Variants in TMEFF2 observed in about 807,000 individuals in gnomAD.
The protein encoded by TMEFF2 is transmembrane protein with EGF like and two follistatin like domains 2.
TMEFF2 carries 28 observed loss-of-function variants against 53.8 expected under a neutral mutation model. That is an observed-to-expected ratio of 0.52 (90% CI 0.39 to 0.71). TMEFF2 has a LOEUF of 0.71. Ranked by LOEUF, TMEFF2 falls within the 30% of genes least tolerant of loss-of-function variation. The probability of loss-of-function intolerance (pLI) is 0.00; values close to 1 mark genes in which losing one functional copy is unlikely to be tolerated. For missense variants in TMEFF2, 353 were observed against 455.2 expected (o/e 0.78, Z 2.04); for synonymous variants, 162 against 166.3 (o/e 0.97, Z 0.20).
At chr2:192,049,377 C>T (rs1687707648) in intron 5 of TMEFF2, among the ~76,000 whole-genome samples, 1 of 152,118 alleles carries the variant, frequency 6.6e-6, no homozygotes, top group Admixed American at 6.5e-5. Context: ...ATTCATAAGA[C>T]TGTGGTGAGG....
chr2:192,186,273 A>T (rs1278409916), intron 2 of TMEFF2, among the ~76,000 whole-genome samples: 1 of 152,182 alleles, frequency 6.6e-6, no homozygotes, highest in East Asian at 1.9e-4. Flanking sequence ...TTACATCTGA[A>T]AACTGACTCA....
intron 4 of TMEFF2, among the ~76,000 whole-genome samples, chr2:192,137,608 T>A (rs1690040678): frequency 6.6e-6 from 1 of 151,970 alleles, no homozygotes; most frequent in Non-Finnish European, 1.5e-5. Flanking sequence ...GTGGTTGGTA[T>A]CATCTGGCAA....
chr2:192,193,244 G>C lies in TMEFF2; in HGVS notation c.172+1109C>G, dbSNP rs115338050. ...AAGATGAAAAATTACATACACACTTGCTAAAACTAGAACAGACCACACCTA... is the reference window on the plus strand; with the variant it reads ...AAGATGAAAAATTACATACACACTTCCTAAAACTAGAACAGACCACACCTA... On this transcript the variant is annotated intron_variant, in intron 1 of 9. Coordinates refer to ENST00000272771, the MANE Select transcript of TMEFF2 (RefSeq NM_016192.4). Among the ~76,000 whole-genome samples, 145 of 152,232 alleles carry C rather than the reference G, an allele frequency of 9.5e-4. 1 individual carries two copies. Among genetic ancestry groups the C allele is most frequent in the African/African-American group, 3.3e-3 (139 of 41,538 alleles).
chr2:192,143,822 A>C (rs183377713), intron 4 of TMEFF2, among the ~76,000 whole-genome samples: 1 of 152,066 alleles, frequency 6.6e-6, no homozygotes, highest in East Asian at 1.9e-4. Flanking sequence ...TAAGACCTAT[A>C]CTCTCTTCTC....
intron 4 of TMEFF2, among the ~76,000 whole-genome samples, chr2:192,135,713 C>T (rs1367052722): frequency 1.3e-5 from 2 of 152,116 alleles, no homozygotes; most frequent in Admixed American, 1.3e-4. Flanking sequence ...GCCATCGCAT[C>T]CCCTGTGACT....
intron 4 of TMEFF2, 70 bp from the exon 5 acceptor site, chr2:192,057,845 C>A (rs1393256781): frequency 7.1e-6 from 9 of 1,259,208 alleles, no homozygotes; most frequent in Admixed American, 6.8e-5. Flanking sequence ...CAGGACAATT[C>A]TTTAATTAAA....
chr2:192,107,497 G>A (rs902280714), intron 4 of TMEFF2, among the ~76,000 whole-genome samples: 2 of 151,624 alleles, frequency 1.3e-5, no homozygotes, highest in Non-Finnish European at 3.0e-5. Context: ...TAAATGCTAT[G>A]CTAGATAAAA....
At chr2:192,089,480 T>G (rs996319012) in intron 4 of TMEFF2, among the ~76,000 whole-genome samples, 1 of 151,826 alleles carries the variant, frequency 6.6e-6, no homozygotes, top group Non-Finnish European at 1.5e-5. Context: ...TTTGAGTGGG[T>G]CTTAAAGTCA....
chr2:192,133,887 T>A (rs1220374157), intron 4 of TMEFF2, among the ~76,000 whole-genome samples: 1 of 152,312 alleles, frequency 6.6e-6, no homozygotes, highest in African/African-American at 2.4e-5. Context: ...TCCCTGCTGA[T>A]CGTGTCCGAT....
At chr2:192,097,513 C>G (rs1487250029) in intron 4 of TMEFF2, among the ~76,000 whole-genome samples, 1 of 152,190 alleles carries the variant, frequency 6.6e-6, no homozygotes, top group Non-Finnish European at 1.5e-5. Flanking sequence ...AACAGACACC[C>G]TCAATGGACC....
At chr2:191,990,523 T>G (rs1686079077) in intron 7 of TMEFF2, among the ~76,000 whole-genome samples, 1 of 150,846 alleles carries the variant, frequency 6.6e-6, no homozygotes, top group African/African-American at 2.4e-5. Context: ...TTGGGATATA[T>G]CCTACTCTTC....
chr2:192,068,109 T>G (rs1688207508), intron 4 of TMEFF2, among the ~76,000 whole-genome samples: 1 of 151,872 alleles, frequency 6.6e-6, no homozygotes, highest in Admixed American at 6.6e-5. Flanking sequence ...GGCTCAGAAC[T>G]TTTACTTGTA....
intron 5 of TMEFF2, among the ~76,000 whole-genome samples, chr2:192,006,449 A>T (rs890397039): frequency 4.6e-5 from 7 of 152,316 alleles, no homozygotes; most frequent in African/African-American, 1.7e-4. Context: ...TGATGGCCAC[A>T]TATTGAAATA....
intron 2 of TMEFF2, among the ~76,000 whole-genome samples, chr2:192,188,467 C>T (rs761449112): frequency 1.3e-5 from 2 of 152,190 alleles, no homozygotes; most frequent in Non-Finnish European, 2.9e-5. Context: ...GAATTCCCTC[C>T]CCTCACCATC....
At chr2:192,122,127 T>C (rs1170582828) in intron 4 of TMEFF2, among the ~76,000 whole-genome samples, 1 of 152,204 alleles carries the variant, frequency 6.6e-6, no homozygotes, top group Non-Finnish European at 1.5e-5. Flanking sequence ...CATTACACTT[T>C]ATAAACATAT....
intron 4 of TMEFF2, among the ~76,000 whole-genome samples, chr2:192,167,978 A>G (rs868595640): frequency 1.3e-5 from 2 of 152,124 alleles, no homozygotes; most frequent in Admixed American, 6.6e-5. Context: ...TAACAAGCAC[A>G]TAGCACACGC....
intron 4 of TMEFF2, among the ~76,000 whole-genome samples, chr2:192,095,179 G>T (rs1034476032): frequency 6.6e-6 from 1 of 152,040 alleles, no homozygotes; most frequent in Non-Finnish European, 1.5e-5. Context: ...GTCCTATTAG[G>T]CTTCTTCCTT....
chr2:192,142,436 A>G (rs966498207), intron 4 of TMEFF2, among the ~76,000 whole-genome samples: 4 of 152,134 alleles, frequency 2.6e-5, no homozygotes, highest in Non-Finnish European at 5.9e-5. Flanking sequence ...AAGTTACACA[A>G]ATTTCTCGTT....
intron 5 of TMEFF2, among the ~76,000 whole-genome samples, chr2:192,017,063 C>T (rs4399671): frequency 0.97 from 148,442 of 152,298 alleles, 72,451 homozygotes; most frequent in East Asian, 1. Flanking sequence ...AGGACTTGGT[C>T]GGGCACAGAA....
Sources: allele counts gnomAD v4.1 joint callset (sites outside exome capture counted in the v4.1 genomes callset), GRCh38; gene constraint gnomAD v4.1.1; transcripts MANE v1.5; gene names NCBI Gene and HGNC (gene_info 2026-07-23, HGNC 2026-07-21).